MAP4: variants seen among roughly 807,000 people sequenced by gnomAD.
MAP4 encodes microtubule associated protein 4, also known as microtubule-associated protein 4.
Under a neutral mutation model 170.2 loss-of-function variants are expected in MAP4, and 76 were observed. The observed-to-expected ratio is 0.45, with a 90% confidence interval of 0.37 to 0.54. MAP4 has a LOEUF of 0.54. Ranked by LOEUF, MAP4 falls within the 20% of genes least tolerant of loss-of-function variation. The pLI is 0.00. For missense variants in MAP4, 2,506 were observed against 2,748.0 expected (o/e 0.91, Z 1.97); for synonymous variants, 909 against 994.5 (o/e 0.91, Z 1.62).
intron 1 of MAP4, among the ~76,000 whole-genome samples, chr3:48,034,520 T>C (rs997479582): frequency 6.6e-6 from 1 of 151,584 alleles, no homozygotes; most frequent in African/African-American, 2.4e-5. Context: ...CTGGCCAACA[T>C]AGTGAAACCC....
intron 3 of MAP4, among the ~76,000 whole-genome samples, chr3:47,936,547 T>C (rs1322446577): frequency 6.7e-6 from 1 of 149,740 alleles, no homozygotes; most frequent in Admixed American, 6.6e-5. Context: ...CGCAACAAAA[T>C]ATACAAATAT....
intron 7 of MAP4, 86 bp downstream of exon 7, chr3:47,915,865 C>T (rs1057249920): frequency 6.9e-7 from 1 of 1,456,120 alleles, no homozygotes; most frequent in African/African-American, 1.4e-5. Context: ...ACTGTCTGTA[C>T]TTTACCTGGC....
chr3:47,898,112 A>T (rs897902765), intron 10 of MAP4, among the ~76,000 whole-genome samples: 1 of 152,146 alleles, frequency 6.6e-6, no homozygotes, highest in African/African-American at 2.4e-5. Context: ...GTTTCCTTTC[A>T]TGTGGCTTCT....
chr3:47,888,305 C>G (rs1035688550), intron 10 of MAP4, among the ~76,000 whole-genome samples: 4 of 152,202 alleles, frequency 2.6e-5, no homozygotes, highest in African/African-American at 7.2e-5. Context: ...CCCTTCCACA[C>G]TGTGGAAGCT....
At chr3:47,929,563 A>T (rs73831540) in intron 3 of MAP4, among the ~76,000 whole-genome samples, 1 of 148,392 alleles carries the variant, frequency 6.7e-6, no homozygotes, top group African/African-American at 2.5e-5. Flanking sequence ...ACCACATACC[A>T]TATGCAAAAG....
chr3:48,077,833 T>A (rs1159570527), intron 1 of MAP4, among the ~76,000 whole-genome samples: 2 of 152,224 alleles, frequency 1.3e-5, no homozygotes, highest in Non-Finnish European at 2.9e-5. Context: ...TATATCCATG[T>A]AATGTAATAT....
intron 3 of MAP4, among the ~76,000 whole-genome samples, chr3:47,972,921 A>C (rs1578568533): frequency 6.6e-6 from 1 of 152,100 alleles, no homozygotes; most frequent in East Asian, 1.9e-4. Flanking sequence ...AAAATTCATA[A>C]GTGAAAATGC....
At chr3:47,917,394 C>G (rs2100040313) in intron 6 of MAP4, among the ~76,000 whole-genome samples, 1 of 152,022 alleles carries the variant, frequency 6.6e-6, no homozygotes, top group Non-Finnish European at 1.5e-5. Context: ...TCGAGACCAG[C>G]CTGACAAACA....
intron 3 of MAP4, among the ~76,000 whole-genome samples, chr3:47,969,327 G>C (rs1340781039): frequency 6.6e-6 from 1 of 151,842 alleles, no homozygotes; most frequent in African/African-American, 2.4e-5. Context: ...AGAATCACAA[G>C]CCCTGGAGGC....
intron 10 of MAP4, among the ~76,000 whole-genome samples, chr3:47,887,116 G>C (rs1577080841): frequency 6.6e-6 from 1 of 152,248 alleles, no homozygotes; most frequent in African/African-American, 2.4e-5. Flanking sequence ...CACTTGAGGG[G>C]CCCTTTGGCC....
intron 10 of MAP4, among the ~76,000 whole-genome samples, chr3:47,885,576 T>C (rs574174321): frequency 6.6e-6 from 1 of 152,298 alleles, no homozygotes; most frequent in African/African-American, 2.4e-5. Flanking sequence ...CCATCTTGTC[T>C]TGGTAGGAGG....
intron 1 of MAP4, among the ~76,000 whole-genome samples, chr3:48,064,957 C>T (rs1426053272): frequency 6.6e-6 from 1 of 151,986 alleles, no homozygotes; most frequent in African/African-American, 2.4e-5. Flanking sequence ...AGAAAGTACC[C>T]ATCTCTACAA....
At position 47,875,692 on chromosome 3, in the gene MAP4, T is replaced by G. The variant is rs1457751846; in HGVS notation, c.5750A>C (p.Lys1917Thr). 5.6e-6 allele frequency: 9 copies of G among 1,612,452 alleles called. No homozygotes were observed. Among genetic ancestry groups the G allele is most frequent in the Non-Finnish European group, 7.6e-6 (9 of 1,179,876 alleles). The change falls in exon 12 of 21, where the codon AAG (lysine) becomes ACG (threonine). Residue 1917 changes from lysine to threonine, a missense_variant. Lys to Thr is a moderately conservative substitution (Grantham distance 78). Transcript: ENST00000683076. The part of the protein sequence containing the change: ...RPSILPSKDV[K>T]PKPIADAKAP... ...AGTTAGGTGACCACTTACCTTTGGC[T>G]TCACGTCTTTTGAAGGTAAGATGGA...
At chr3:48,015,521 T>C (rs918447303) in intron 1 of MAP4, among the ~76,000 whole-genome samples, 17 of 152,208 alleles carry the variant, frequency 1.1e-4, no homozygotes, top group African/African-American at 3.4e-4. Flanking sequence ...TCTTGATGGA[T>C]ACAGGTATAG....
intron 2 of MAP4, among the ~76,000 whole-genome samples, chr3:47,978,464 C>G (rs1249346298): frequency 1.3e-5 from 2 of 152,066 alleles, no homozygotes; most frequent in African/African-American, 4.8e-5. Context: ...ATTGCAGGCA[C>G]CCGCCCCCAT....
intron 3 of MAP4, among the ~76,000 whole-genome samples, chr3:47,964,190 C>T (rs1167027463): frequency 6.6e-6 from 1 of 152,192 alleles, no homozygotes; most frequent in East Asian, 1.9e-4. Flanking sequence ...AAAAGAACAG[C>T]ATGATCAATG....
At chr3:48,026,101 C>T (rs1474324037) in intron 1 of MAP4, among the ~76,000 whole-genome samples, 2 of 152,024 alleles carry the variant, frequency 1.3e-5, no homozygotes, top group African/African-American at 4.8e-5. Context: ...TATACAATTT[C>T]AGCTAATGAA....
chr3:47,969,775 T>A (rs1173265382), intron 3 of MAP4, among the ~76,000 whole-genome samples: 6 of 149,824 alleles, frequency 4.0e-5, no homozygotes, highest in African/African-American at 1.5e-4. Context: ...AGTACAAGAG[T>A]GTTAGGCCCA....
chr3:47,864,625 C>T (rs149528181), intron 17 of MAP4, among the ~76,000 whole-genome samples: 3 of 152,230 alleles, frequency 2.0e-5, no homozygotes, highest in East Asian at 3.9e-4. Context: ...TGCAGTGAGC[C>T]GAGATCGCAC....
Sources: gnomAD v4.1 joint callset for allele counts (sites outside exome capture counted in the v4.1 genomes callset) on GRCh38, gnomAD v4.1.1 for gene constraint, MANE v1.5 for transcripts, NCBI Gene and HGNC (gene_info 2026-07-23, HGNC 2026-07-21) for gene names.